Variants in ACOT8 observed in about 807,000 individuals in gnomAD.
ACOT8 encodes the protein acyl-CoA thioesterase 8, also known as acyl-coenzyme A thioesterase 8.
A neutral mutation model predicts 38.4 loss-of-function variants in ACOT8; 31 were observed. The observed-to-expected ratio is 0.81, with a 90% CI of 0.61 to 1.09. ACOT8 has a LOEUF of 1.09. ACOT8 is among the 50% of genes least tolerant of loss of function. The pLI is 0.00. For missense variants in ACOT8, 373 were observed against 421.8 expected, an observed-to-expected ratio of 0.88 and a Z score of 1.01; for synonymous variants, 158 against 170.3, an observed-to-expected ratio of 0.93 and a Z score of 0.56.
In ACOT8 at chr20:45,843,421, G is replaced by C. The variant is rs184954994; in HGVS notation, c.841+106C>G. On this transcript the variant is annotated intron_variant, in intron 5 of 5. Transcript: ENST00000217455. ...AGCCTGGGAGGGAAGGAAAGGAAGT[G>C]ACCTGTGCAGCGCCACACAGGAAGT... The C allele has an allele frequency of 1.2e-4, 166 of 1,391,664 alleles. No homozygotes were observed. In the African/African-American group the frequency reaches 2.3e-3, roughly 19 times the overall value. The allele number at this position is 1,391,664 out of a possible 1,614,324, so 86.2% of individuals were successfully genotyped here. A position where few individuals can be genotyped will look rare whatever the true frequency, so the allele number is the denominator to read the frequency against.
chr20:45,851,144 A>G (rs1454847450), intron 2 of ACOT8, among the ~76,000 whole-genome samples: 1 of 152,144 alleles, frequency 6.6e-6, no homozygotes, highest in Non-Finnish European at 1.5e-5. Flanking sequence ...CCAGGGCTCA[A>G]TCAACAGCAA....
intron 3 of ACOT8, among the ~76,000 whole-genome samples, chr20:45,845,593 G>A (rs1032885994): frequency 6.6e-6 from 1 of 152,178 alleles, no homozygotes; most frequent in Non-Finnish European, 1.5e-5. Context: ...CCAGGGGGAG[G>A]AGCCCATTCC....
Position 45,841,904 on chromosome 20 carries a change from T to C in ACOT8, c.894A>G (p.Leu298=). 1 of 1,612,614 alleles carries C rather than the reference T, an allele frequency of 6.2e-7. No individual in the cohort carries two copies. The highest frequency in any genetic ancestry group is 1.1e-5 in the South Asian group (1 of 90,838). The change falls in exon 6 of 6, where the codon CTA becomes CTG. Residue 298 remains leucine (L), a synonymous_variant. Transcript: ENST00000217455. ...CGCCCTCCTGGGCACAGGTCACAGCTAGGACTCCATCCTGACGCCACAGCC... is the reference window on the plus strand; with the variant it reads ...CGCCCTCCTGGGCACAGGTCACAGCCAGGACTCCATCCTGACGCCACAGCC... ...HGRLWRQDGV[L]AVTCAQEGVI...
chr20:45,842,311 C>T, intron 5 of ACOT8: 4 of 1,413,712 alleles, frequency 2.8e-6, no homozygotes, highest in African/African-American at 1.4e-5. Context: ...AGCACTTTCA[C>T]ACCTCTCCTC....
chr20:45,842,010 T>A (rs776729268), intron 5 of ACOT8, 54 bp from the exon 6 acceptor site: 2 of 363,938 alleles, frequency 5.5e-6, no homozygotes, highest in Admixed American at 4.2e-5. Context: ...CCAAATACAC[T>A]TTTTTTTTTT....
rs197667 is a variant in ACOT8 at position 45,842,514 on chromosome 20, A to G, written c.842-558T>C. On this transcript the variant is annotated intron_variant, in intron 5 of 5. Transcript: ENST00000217455. ...CCACTACCACCACCAAGGGGAAGAA[A>G]GGACTCAGAAGAGAGGACTTGAGGC... 15,329 of 1,015,858 alleles carry G rather than the reference A, an allele frequency of 0.015. 1,754 individuals carry two copies. The African/African-American group carries it at 0.24, about 16-fold the overall frequency. The allele number at this position is 1,015,858 out of a possible 1,614,324, so 62.9% of individuals were successfully genotyped here. A position where few individuals can be genotyped will look rare whatever the true frequency, so the allele number is the denominator to read the frequency against.
chr20:45,844,037 G>A (rs1427072473), intron 4 of ACOT8: 1 of 785,902 alleles, frequency 1.3e-6, no homozygotes, highest in African/African-American at 1.8e-5. Context: ...CCAGCGAGGT[G>A]CCTTTTGCCT....
In ACOT8 at chr20:45,848,511, G is replaced by A. The variant is rs1984839479; in HGVS notation, c.427C>T (p.Pro143Ser). 1 of 1,613,642 alleles carries A rather than the reference G, an allele frequency of 6.2e-7. No individual in the cohort carries two copies. Among genetic ancestry groups the A allele is most frequent in the Admixed American group, 1.7e-5 (1 of 59,956 alleles). Reference protein sequence around the residue: ...PSPMQHQFSMPTVPPPEELLD... With the variant: ...PSPMQHQFSMSTVPPPEELLD... ...AGCTCTTCTGGTGGTGGCACAGTGG[G>A]CATGGAGAACTGGTGCTGCATGGGG... Residue 143 changes from proline (P) to serine (S), a missense_variant, in exon 3 of 6, where the codon CCC becomes TCC. By Grantham distance (74) the Pro-to-Ser change is moderately conservative. Transcript: ENST00000217455.
chr20:45,853,399 A>G (rs994764555), intron 2 of ACOT8: 15 of 152,308 alleles, frequency 9.8e-5, no homozygotes, highest in African/African-American at 3.6e-4. Flanking sequence ...AAGACTAAAC[A>G]AGATAATGCA....
At chr20:45,845,922 C>A (rs1489129110) in intron 3 of ACOT8, among the ~76,000 whole-genome samples, 2 of 151,900 alleles carry the variant, frequency 1.3e-5, no homozygotes, top group Non-Finnish European at 2.9e-5. Context: ...ACCTCTGCCC[C>A]CTGGGTCCAA....
chr20:45,841,827 G>A lies in ACOT8; in HGVS notation c.*11C>T, dbSNP rs367746396. 1.7e-5 allele frequency: 27 copies of A among 1,593,872 alleles called. No homozygotes were observed. In the African/African-American group the frequency reaches 3.5e-4, roughly 21 times the overall value. On this transcript the variant is annotated 3_prime_UTR_variant, in exon 6 of 6. Transcript: ENST00000217455. Reference sequence around the variant, plus strand: ...GGTTCTTGAAGCCCCAGGCGAAGCTGGTACCTCTGGCTACAGCTTGCTCTC... The same window carrying A: ...GGTTCTTGAAGCCCCAGGCGAAGCTAGTACCTCTGGCTACAGCTTGCTCTC...
chr20:45,842,547 T>A, intron 5 of ACOT8: 1 of 1,001,214 alleles, frequency 1.0e-6, no homozygotes, highest in Non-Finnish European at 1.2e-6. Flanking sequence ...GGCCATGAGG[T>A]CTGGCCTCTT....
At chr20:45,842,845 T>C in intron 5 of ACOT8, 1 of 995,696 alleles carries the variant, frequency 1.0e-6, no homozygotes, top group Non-Finnish European at 1.2e-6. Context: ...CTTATCTGAG[T>C]ATAAAGAATC....
chr20:45,844,375 A>C lies in ACOT8; in HGVS notation c.534T>G (p.Ile178Met). ...TCTCAATGGGGACCTCCTGAGCAGC[A>C]ATTCGGTTGAGCGCCAATGGGTACC... is the stretch of plus-strand genomic sequence containing the variant. The part of the protein sequence containing the change: ...QKRYPLALNR[I>M]AAQEVPIEIK... Residue 178 changes from isoleucine to methionine, a missense_variant, in exon 4 of 6, where the codon ATT becomes ATG. Transcript: ENST00000217455. The C allele has an allele frequency of 3.7e-6, 6 of 1,614,112 alleles. No individual in the cohort carries two copies. The highest frequency in any genetic ancestry group is 5.1e-6 in the Non-Finnish European group (6 of 1,179,994).
Position 45,857,274 on chromosome 20 carries a change from G to A in ACOT8, c.42C>T (p.Gly14=), listed in dbSNP as rs758711739. 1.2e-6 allele frequency: 2 copies of A among 1,612,346 alleles called. No homozygotes were observed. Among genetic ancestry groups the A allele is most frequent in the Non-Finnish European group, 1.7e-6 (2 of 1,179,510 alleles). The change falls in exon 1 of 6, where the codon GGC becomes GGT. Residue 14 remains glycine (G), a synonymous_variant. Transcript: ENST00000217455. ...GGTCCCCAGGGGGATCGCCGCGGTC[G>A]CCACAGCCCTGCCCATCTTCTGGGG... The part of the protein sequence containing the change: ...PQAPEDGQGC[G]DRGDPPGDLR...
In ACOT8 at chr20:45,848,644, C is replaced by T; in HGVS notation, c.294G>A (p.Val98=). The part of the protein sequence containing the change: ...GDPKLPVLYQ[V]ERTRTGSSFS... ...AGCTCGACCCTGTTCGTGTCCGCTC[C>T]ACTTGGTACAGTACTGGCAGCTTCG... Residue 98 remains valine (V), a synonymous_variant, in exon 3 of 6, where the codon GTG becomes GTA. Coordinates refer to ENST00000217455, the MANE Select transcript of ACOT8 (RefSeq NM_005469.4). 6.2e-7 allele frequency: 1 copy of T among 1,613,330 alleles called. No homozygotes were observed. The highest frequency in any genetic ancestry group is 1.3e-5 in the African/African-American group (1 of 74,992).
Position 45,855,184 on chromosome 20 carries a change from G to A in ACOT8, c.237C>T (p.Ser79=), listed in dbSNP as rs1985331017. 4 of 1,614,156 alleles carry A rather than the reference G, an allele frequency of 2.5e-6. No individual in the cohort carries two copies. The highest frequency in any genetic ancestry group is 1.7e-5 in the Admixed American group (1 of 60,016). ...CTGCCCGAACAAAGTAGCAGTGCAG[G>A]GAGTGCACGTGGACGTCTTCACTCA... is the stretch of plus-strand genomic sequence containing the variant. ...KSVSEDVHVH[S]LHCYFVRAGD... The change falls in exon 2 of 6, where the codon TCC becomes TCT. Residue 79 remains serine, a synonymous_variant. Coordinates refer to ENST00000217455, the MANE Select transcript of ACOT8 (RefSeq NM_005469.4).
rs74353694 is a variant in ACOT8 at position 45,848,509 on chromosome 20, G to A, written c.429C>T (p.Pro143=). ...PSPMQHQFSM[P]TVPPPEELLD... ...GCAGCTCTTCTGGTGGTGGCACAGTGGGCATGGAGAACTGGTGCTGCATGG... is the reference window on the plus strand; with the variant it reads ...GCAGCTCTTCTGGTGGTGGCACAGTAGGCATGGAGAACTGGTGCTGCATGG... Residue 143 remains proline, a synonymous_variant, in exon 3 of 6, where the codon CCC becomes CCT. Coordinates refer to ENST00000217455, the MANE Select transcript of ACOT8 (RefSeq NM_005469.4). The A allele has an allele frequency of 2.4e-4, 393 of 1,613,724 alleles. 3 individuals are homozygous for A. In the East Asian group the frequency reaches 7.9e-3, roughly 33 times the overall value.
At chr20:45,846,242 A>G (rs553098792) in intron 3 of ACOT8, among the ~76,000 whole-genome samples, 2 of 152,264 alleles carry the variant, frequency 1.3e-5, no homozygotes, top group South Asian at 4.1e-4. Flanking sequence ...TCTTCCTTTC[A>G]TTTCAGCAAA....
Sources: gnomAD v4.1 joint callset for allele counts (sites outside exome capture counted in the v4.1 genomes callset) on GRCh38, gnomAD v4.1.1 for gene constraint, MANE v1.5 for transcripts, NCBI Gene and HGNC (gene_info 2026-07-23, HGNC 2026-07-21) for gene names.